COL4A3: variants seen among roughly 807,000 people sequenced by gnomAD.
COL4A3 encodes collagen alpha-3(IV) chain.
Under a neutral mutation model 217.4 loss-of-function variants are expected in COL4A3, and 135 were observed. That is an observed-to-expected ratio of 0.62 (90% CI 0.54 to 0.72). COL4A3 has a LOEUF of 0.72. COL4A3 is among the 30% of genes least tolerant of loss of function. COL4A3 has a pLI of 0.00. For missense variants in COL4A3, 1,868 were observed against 2,119.9 expected (o/e 0.88, Z 2.33); for synonymous variants, 690 against 736.3 (o/e 0.94, Z 1.02).
At chr2:227,290,214 G>A (rs898226436) in intron 36 of COL4A3, 126 bp downstream of exon 36, 39 of 901,468 alleles carry the variant, frequency 4.3e-5, no homozygotes, top group South Asian at 3.8e-4. Context: ...CTAGATTTGC[G>A]GGGCCGGGCA....
chr2:227,294,592 T>C, intron 39 of COL4A3, 22 bp downstream of exon 39: 1 of 1,537,706 alleles, frequency 6.5e-7, no homozygotes, highest in Non-Finnish European at 9.0e-7. Context: ...GTACTTTCTC[T>C]TTTTCCTTTT....
chr2:227,184,911 T>C (rs2065973778), intron 1 of COL4A3, among the ~76,000 whole-genome samples: 1 of 137,558 alleles, frequency 7.3e-6, no homozygotes, highest in Non-Finnish European at 1.6e-5. Flanking sequence ...TTTTTTTTTT[T>C]TTTTTTTTGA....
intron 21 of COL4A3, among the ~76,000 whole-genome samples, chr2:227,264,331 T>G (rs1045595937): frequency 6.6e-6 from 1 of 151,966 alleles, no homozygotes; most frequent in Non-Finnish European, 1.5e-5. Flanking sequence ...GGTCAAAGAT[T>G]TCCCCCCAAG....
chr2:227,282,275 A>ATATATAT lies in COL4A3; in HGVS notation c.2489-90_2489-89insTATATAT, dbSNP rs1559896717. ...AGACAGAGGGAGATTCCATCTTAAA[A>ATATATAT]ATATATATATATATATATATATATA... On this transcript the variant is annotated intron_variant, in intron 31 of 51. Transcript: ENST00000396578. This position sits in a 1 kb window ranked among gnomAD's most constrained non-coding sequence, Gnocchi z 4.4. 3.2e-4 allele frequency: 113 copies of ATATATAT among 354,506 alleles called. No homozygotes were observed. The highest frequency in any genetic ancestry group is 9.8e-4 in the Admixed American group (18 of 18,452). 22.0% of individuals were successfully genotyped at this position (354,506 alleles called of 1,614,324 possible). A position where few individuals can be genotyped will look rare whatever the true frequency, so the allele number is the denominator to read the frequency against.
At chr2:227,291,562 CAAAAAAAAAAAAAAAAACAAA>C (rs199615468) in intron 37 of COL4A3, among the ~76,000 whole-genome samples, 1 of 34,410 alleles carries the variant, frequency 2.9e-5, no homozygotes, top group South Asian at 9.4e-4. Context: ...GACTCCGTCT[CAAAAAAAAAAAAAAAAACAAA>C]AAAAAAAAAC....
rs547654120 is a variant in COL4A3 at position 227,239,234 on chromosome 2, GAT to G, written c.145-907_145-906del. Reference sequence around the variant, plus strand: ...AATAAAAAATAATACAACAATTAAAGATAATACAAATAAAAAAATGCAGTATA... The same window carrying G: ...AATAAAAAATAATACAACAATTAAAGAATACAAATAAAAAAATGCAGTATA... On this transcript the variant is annotated intron_variant, in intron 2 of 51. Coordinates refer to ENST00000396578, the MANE Select transcript of COL4A3 (RefSeq NM_000091.5). Among the ~76,000 whole-genome samples, 228 of 112,830 alleles carry G rather than the reference GAT, an allele frequency of 2.0e-3. 2 individuals are homozygous for G. The highest frequency in any genetic ancestry group is 6.4e-3 in the African/African-American group (214 of 33,264). The allele number at this position is 112,830 out of a possible 152,430, so 74.0% of individuals were successfully genotyped here.
intron 11 of COL4A3, among the ~76,000 whole-genome samples, chr2:227,252,465 C>T (rs536357881): frequency 2.0e-5 from 3 of 152,016 alleles, no homozygotes; most frequent in Non-Finnish European, 4.4e-5. Flanking sequence ...ATCCGCCCGC[C>T]TCAGCCTCCC....
intron 1 of COL4A3, among the ~76,000 whole-genome samples, chr2:227,196,910 C>A (rs1050953177): frequency 2.6e-5 from 4 of 152,150 alleles, no homozygotes; most frequent in African/African-American, 9.7e-5. Flanking sequence ...AATTGTGTAG[C>A]TCCTCCCATA....
intron 3 of COL4A3, among the ~76,000 whole-genome samples, chr2:227,241,101 C>T (rs532862005): frequency 1.1e-4 from 17 of 152,282 alleles, no homozygotes; most frequent in Admixed American, 3.3e-4. Flanking sequence ...ACCCTTCACA[C>T]TCATCACACA....
At chr2:227,244,011 C>T (rs996878780) in intron 3 of COL4A3, among the ~76,000 whole-genome samples, 1 of 152,128 alleles carries the variant, frequency 6.6e-6, no homozygotes, top group Non-Finnish European at 1.5e-5. Flanking sequence ...CATGCAGATT[C>T]TCGGTCAATA....
chr2:227,207,234 T>C (rs993697002), intron 1 of COL4A3, among the ~76,000 whole-genome samples: 2 of 152,148 alleles, frequency 1.3e-5, no homozygotes, highest in Non-Finnish European at 2.9e-5. Flanking sequence ...AAAAGAGTTC[T>C]AGGAAAACAA....
At chr2:227,169,483 T>C (rs566915096) in intron 1 of COL4A3, among the ~76,000 whole-genome samples, 4,309 of 151,102 alleles carry the variant, frequency 0.029, 196 homozygotes, top group African/African-American at 0.095. Context: ...TCCACAATGG[T>C]TGAACTAGTT....
At chr2:227,311,652 A>T in intron 51 of COL4A3, 134 bp from the exon 52 acceptor site, 1 of 764,672 alleles carries the variant, frequency 1.3e-6, no homozygotes, top group Non-Finnish European at 2.1e-6. Flanking sequence ...TGCTGGGATT[A>T]CAGGCGTGAG....
At chr2:227,197,401 C>T (rs1463496255) in intron 1 of COL4A3, among the ~76,000 whole-genome samples, 2 of 152,052 alleles carry the variant, frequency 1.3e-5, no homozygotes, top group East Asian at 3.9e-4. Context: ...AGCCTGAAAA[C>T]AGACTAATAC....
intron 3 of COL4A3, among the ~76,000 whole-genome samples, chr2:227,240,918 T>C (rs1411450523): frequency 6.6e-6 from 1 of 152,228 alleles, no homozygotes; most frequent in East Asian, 1.9e-4. Context: ...TACATACTTT[T>C]GTGTCTTAAT....
intron 1 of COL4A3, among the ~76,000 whole-genome samples, chr2:227,177,339 T>C (rs2065714615): frequency 1.3e-5 from 2 of 151,880 alleles, no homozygotes; most frequent in Admixed American, 6.6e-5. Flanking sequence ...GTATTTTTAA[T>C]AGAGACAGGG....
chr2:227,208,783 C>G (rs1475911863), intron 1 of COL4A3, among the ~76,000 whole-genome samples: 1 of 146,206 alleles, frequency 6.8e-6, no homozygotes, highest in Non-Finnish European at 1.5e-5. Flanking sequence ...CACACACACA[C>G]ACACACACAC....
intron 1 of COL4A3, among the ~76,000 whole-genome samples, chr2:227,218,060 TAA>T (rs369364137): frequency 1.5e-4 from 18 of 118,322 alleles, no homozygotes; most frequent in African/African-American, 2.6e-4. Context: ...TAACTATATA[TAA>T]AATAACTATA....
chr2:227,249,230 A>ATATATATATATATATTTTTTTT, intron 9 of COL4A3, among the ~76,000 whole-genome samples: 1 of 14,690 alleles, frequency 6.8e-5, no homozygotes. Flanking sequence ...ATATATATAT[A>ATATATATATATATATTTTTTTT]TTTTTTTTTT....
Sources: allele counts gnomAD v4.1 joint callset (sites outside exome capture counted in the v4.1 genomes callset), GRCh38; gene constraint gnomAD v4.1.1; non-coding constraint Gnocchi (gnomAD v3.1); transcripts MANE v1.5; gene names NCBI Gene and HGNC (gene_info 2026-07-23, HGNC 2026-07-21).